Variants in REDIC1 observed in about 807,000 individuals in gnomAD.
REDIC1 encodes the protein regulator of DNA class I crossover intermediates 1, also known as HEI10 Interacting Protein 1.
the REDIC1 span, among the ~76,000 whole-genome samples, chr12:39,700,004 A>G: frequency 1.3e-5 from 2 of 152,186 alleles, no homozygotes; most frequent in African/African-American, 4.8e-5. Flanking sequence ...CAGAGCAGAA[A>G]AACTGGAAAC....
At chr12:39,710,582 C>G in the REDIC1 span, among the ~76,000 whole-genome samples, 1 of 151,760 alleles carries the variant, frequency 6.6e-6, no homozygotes, top group Non-Finnish European at 1.5e-5. Context: ...TTCCCTCTAT[C>G]CCATATGTTA....
At chr12:39,802,247 A>C in the REDIC1 span, 2 of 152,026 alleles carry the variant, frequency 1.3e-5, no homozygotes, top group African/African-American at 4.8e-5. Flanking sequence ...CTGTATTTTC[A>C]TTTTGCATGC....
At chr12:39,862,436 T>C in the REDIC1 span, among the ~76,000 whole-genome samples, 1 of 152,350 alleles carries the variant, frequency 6.6e-6, no homozygotes, top group Non-Finnish European at 1.5e-5. Context: ...TCAATGGACA[T>C]AGGCACTTAA....
the REDIC1 span, among the ~76,000 whole-genome samples, chr12:39,743,453 AC>A: frequency 6.6e-6 from 1 of 152,224 alleles, no homozygotes; most frequent in Non-Finnish European, 1.5e-5. Flanking sequence ...CTAGCTTTCA[AC>A]AAAAAATTAC....
chr12:39,850,552 T>C, the REDIC1 span, among the ~76,000 whole-genome samples: 3 of 152,206 alleles, frequency 2.0e-5, no homozygotes, highest in African/African-American at 7.2e-5. Flanking sequence ...TTAAGTTATA[T>C]GAACATGAAA....
the REDIC1 span, among the ~76,000 whole-genome samples, chr12:39,728,172 A>G: frequency 6.6e-6 from 1 of 152,162 alleles, no homozygotes; most frequent in Admixed American, 6.5e-5. Context: ...AGAACTTCCA[A>G]TTCTATGTTG....
the REDIC1 span, among the ~76,000 whole-genome samples, chr12:39,659,017 T>C: frequency 3.3e-5 from 5 of 152,174 alleles, no homozygotes; most frequent in South Asian, 2.1e-4. Context: ...TGTGTAGATA[T>C]AGATTTCCAT....
At chr12:39,867,631 T>C in the REDIC1 span, among the ~76,000 whole-genome samples, 2 of 152,210 alleles carry the variant, frequency 1.3e-5, no homozygotes, top group African/African-American at 4.8e-5. Flanking sequence ...CTATTCTGTA[T>C]ATAGAAAATT....
the REDIC1 span, among the ~76,000 whole-genome samples, chr12:39,813,921 C>CA: frequency 6.6e-6 from 1 of 152,198 alleles, no homozygotes; most frequent in Non-Finnish European, 1.5e-5. Context: ...CTGAAGCCTA[C>CA]ACAGTCACAT....
chr12:39,734,027 C>T, the REDIC1 span, among the ~76,000 whole-genome samples: 193 of 152,284 alleles, frequency 1.3e-3, no homozygotes, highest in Middle Eastern at 0.01. Flanking sequence ...AAACCCAGGG[C>T]CCTGGTGGTG....
the REDIC1 span, among the ~76,000 whole-genome samples, chr12:39,840,651 A>T: frequency 2.0e-5 from 3 of 151,898 alleles, no homozygotes; most frequent in African/African-American, 7.3e-5. Flanking sequence ...ATGTTCCTCT[A>T]TGCAACTTCC....
At chr12:39,714,032 T>TACATGTATATAC in the REDIC1 span, among the ~76,000 whole-genome samples, 13 of 147,552 alleles carry the variant, frequency 8.8e-5, no homozygotes, top group African/African-American at 2.7e-4. Context: ...TAAGTATATA[T>TACATGTATATAC]ACATGTATAT....
At chr12:39,626,514 A>G in the REDIC1 span, among the ~76,000 whole-genome samples, 3 of 152,116 alleles carry the variant, frequency 2.0e-5, no homozygotes, top group African/African-American at 4.8e-5. Flanking sequence ...CTCTAGAACC[A>G]TATCTCTACT....
chr12:39,866,469 C>T, the REDIC1 span, among the ~76,000 whole-genome samples: 2 of 152,114 alleles, frequency 1.3e-5, no homozygotes, highest in South Asian at 2.1e-4. Flanking sequence ...TTTTAAATGT[C>T]ATAATGTATT....
the REDIC1 span, among the ~76,000 whole-genome samples, chr12:39,840,345 T>G: frequency 2.6e-5 from 4 of 151,988 alleles, no homozygotes; most frequent in Non-Finnish European, 5.9e-5. Flanking sequence ...CTCTGTCCAC[T>G]CCACTCTCTA....
the REDIC1 span, among the ~76,000 whole-genome samples, chr12:39,726,521 C>G: frequency 1.3e-5 from 2 of 152,160 alleles, no homozygotes; most frequent in Middle Eastern, 3.2e-3. Context: ...GCATAGTATT[C>G]CATGGTGTAT....
chr12:39,760,205 T>A, the REDIC1 span: 9 of 1,612,744 alleles, frequency 5.6e-6, no homozygotes, highest in Non-Finnish European at 7.6e-6. Flanking sequence ...CAGCCATAGA[T>A]GAAAAGGAGT....
At chr12:39,734,106 G>T in the REDIC1 span, among the ~76,000 whole-genome samples, 1 of 152,184 alleles carries the variant, frequency 6.6e-6, no homozygotes, top group Non-Finnish European at 1.5e-5. Context: ...TATCTGGGCT[G>T]GAATGCACAG....
chr12:39,657,530 A>G, the REDIC1 span, among the ~76,000 whole-genome samples: 1 of 152,180 alleles, frequency 6.6e-6, no homozygotes, highest in Admixed American at 6.5e-5. Context: ...TGTGGGAAGT[A>G]TTTTTATTAC....
Sources: gnomAD v4.1 joint callset for allele counts (sites outside exome capture counted in the v4.1 genomes callset) on GRCh38, gnomAD v4.1.1 for gene constraint, MANE v1.5 for transcripts, NCBI Gene and HGNC (gene_info 2026-07-23, HGNC 2026-07-21) for gene names.